The following PRMT3 variants were observed in gnomAD, a reference collection of about 807,000 sequenced individuals.
The protein encoded by PRMT3 is protein arginine methyltransferase 3.
A neutral mutation model predicts 71.9 loss-of-function variants in PRMT3; 62 were observed. That is an observed-to-expected ratio of 0.86 (90% CI 0.70 to 1.07). The LOEUF (loss-of-function observed/expected upper bound fraction) is 1.07, where lower values mean the gene tolerates loss of function less well. PRMT3 is among the 50% of genes least tolerant of loss of function. The pLI is 0.00. For synonymous variants in PRMT3, 213 were observed against 220.4 expected (o/e 0.97, Z 0.30); for missense variants, 663 against 643.0 (o/e 1.03, Z -0.34).
At chr11:20,504,391 A>G (rs548238905) in intron 15 of PRMT3, among the ~76,000 whole-genome samples, 1 of 152,212 alleles carries the variant, frequency 6.6e-6, no homozygotes, top group East Asian at 1.9e-4. Context: ...TCTTTATAAG[A>G]TTGAAAAAGA....
intron 10 of PRMT3, among the ~76,000 whole-genome samples, chr11:20,439,385 T>C (rs940212819): frequency 6.6e-6 from 1 of 152,208 alleles, no homozygotes; most frequent in Non-Finnish European, 1.5e-5. Context: ...CCTTTCATTC[T>C]CAATGTGGCC....
chr11:20,430,727 G>A (rs555281033), intron 10 of PRMT3, among the ~76,000 whole-genome samples: 1 of 152,124 alleles, frequency 6.6e-6, no homozygotes, highest in African/African-American at 2.4e-5. Flanking sequence ...TGTAATAAGA[G>A]CACCTAAAAT....
intron 13 of PRMT3, among the ~76,000 whole-genome samples, chr11:20,482,370 A>G (rs1345767417): frequency 6.6e-6 from 1 of 152,118 alleles, no homozygotes; most frequent in Non-Finnish European, 1.5e-5. Flanking sequence ...ATTTAATTCT[A>G]GATAGGTATA....
At chr11:20,450,071 G>T (rs1281479013) in intron 10 of PRMT3, among the ~76,000 whole-genome samples, 1 of 152,126 alleles carries the variant, frequency 6.6e-6, no homozygotes, top group Non-Finnish European at 1.5e-5. Flanking sequence ...TTGTGATAAG[G>T]TAACAGCTGA....
intron 10 of PRMT3, among the ~76,000 whole-genome samples, chr11:20,450,519 G>T (rs1850124419): frequency 6.6e-6 from 1 of 152,248 alleles, no homozygotes; most frequent in Admixed American, 6.5e-5. Flanking sequence ...ACATATTACT[G>T]AAGTACTCTA....
At chr11:20,411,526 T>C (rs1849192081) in intron 9 of PRMT3, among the ~76,000 whole-genome samples, 1 of 152,072 alleles carries the variant, frequency 6.6e-6, no homozygotes, top group Non-Finnish European at 1.5e-5. Flanking sequence ...GATGTAGTTA[T>C]AGGAAGGAAG....
chr11:20,402,859 TA>T, intron 7 of PRMT3, 59 bp from the exon 8 acceptor site: 1 of 1,375,152 alleles, frequency 7.3e-7, no homozygotes, highest in Admixed American at 1.8e-5. Flanking sequence ...ATATCTCCCT[TA>T]AAAAATTTAT....
At chr11:20,422,144 AT>A (rs1218556910) in intron 9 of PRMT3, among the ~76,000 whole-genome samples, 1 of 152,318 alleles carries the variant, frequency 6.6e-6, no homozygotes, top group East Asian at 1.9e-4. Context: ...CAAGCCAGTA[AT>A]CCCTTCTACT....
intron 11 of PRMT3, among the ~76,000 whole-genome samples, chr11:20,459,622 C>T (rs1054504347): frequency 2.0e-5 from 3 of 152,176 alleles, no homozygotes; most frequent in Non-Finnish European, 4.4e-5. Flanking sequence ...CCTGACTATA[C>T]CCTTATTATG....
chr11:20,452,271 G>T, intron 11 of PRMT3, 63 bp downstream of exon 11: 1 of 1,316,508 alleles, frequency 7.6e-7, no homozygotes, highest in South Asian at 1.2e-5. Flanking sequence ...ATGAACCTTT[G>T]GATTTCAAAT....
chr11:20,479,493 T>G (rs539829824), intron 13 of PRMT3, among the ~76,000 whole-genome samples: 17 of 152,204 alleles, frequency 1.1e-4, no homozygotes, highest in Non-Finnish European at 2.4e-4. Context: ...TGGTTACATG[T>G]GATAAGGGCA....
intron 10 of PRMT3, among the ~76,000 whole-genome samples, chr11:20,444,010 G>A (rs932004097): frequency 1.3e-5 from 2 of 152,170 alleles, no homozygotes; most frequent in African/African-American, 2.4e-5. Flanking sequence ...ATAAGTAGCC[G>A]TTATTACCAT....
chr11:20,480,477 T>C (rs996590521), intron 13 of PRMT3, among the ~76,000 whole-genome samples: 1 of 152,178 alleles, frequency 6.6e-6, no homozygotes, highest in African/African-American at 2.4e-5. Flanking sequence ...GGCTGGGACA[T>C]GTAGATCATA....
intron 13 of PRMT3, among the ~76,000 whole-genome samples, chr11:20,492,825 G>T (rs183099545): frequency 6.6e-6 from 1 of 152,174 alleles, no homozygotes; most frequent in Non-Finnish European, 1.5e-5. Flanking sequence ...TTGGGAAGCC[G>T]AAGTGGGTGA....
At chr11:20,396,087 TAC>T in intron 6 of PRMT3, 125 bp downstream of exon 6, 2 of 844,918 alleles carry the variant, frequency 2.4e-6, no homozygotes, top group Non-Finnish European at 3.5e-6. Context: ...TTTATCTTCA[TAC>T]TGTTAAAGAT....
chr11:20,491,738 CAAATTTT>C (rs1851212445), intron 13 of PRMT3, among the ~76,000 whole-genome samples: 1 of 152,044 alleles, frequency 6.6e-6, no homozygotes, highest in African/African-American at 2.4e-5. Context: ...AGCAGTGATT[CAAATTTT>C]AGTTCAATGC....
chr11:20,401,445 G>A lies in PRMT3; in HGVS notation c.706-1474G>A, dbSNP rs11025550. Among the ~76,000 whole-genome samples the A allele has an allele frequency of 1.9e-3, 294 of 152,126 alleles. 4 individuals are homozygous for A. The East Asian group carries it at 0.045, about 23-fold the overall frequency. On this transcript the variant is annotated intron_variant, in intron 7 of 15. Transcript: ENST00000331079. ...TAATAATTTTTTTGTAAAGCAGTGAGAAATAATCAGAAAACATGGAATTAA... is the reference window on the plus strand; with the variant it reads ...TAATAATTTTTTTGTAAAGCAGTGAAAAATAATCAGAAAACATGGAATTAA...
At chr11:20,394,260 A>G (rs1488869487) in intron 5 of PRMT3, among the ~76,000 whole-genome samples, 1 of 152,208 alleles carries the variant, frequency 6.6e-6, no homozygotes, top group Non-Finnish European at 1.5e-5. Flanking sequence ...GATTTTGTGA[A>G]ATTCACTAAC....
At chr11:20,436,744 T>G (rs1043720940) in intron 10 of PRMT3, among the ~76,000 whole-genome samples, 18 of 152,162 alleles carry the variant, frequency 1.2e-4, no homozygotes, top group East Asian at 1.9e-4. Flanking sequence ...CAGTTTGTTT[T>G]TTTTTTTAAT....
Sources: gnomAD v4.1 joint callset for allele counts (sites outside exome capture counted in the v4.1 genomes callset) on GRCh38, gnomAD v4.1.1 for gene constraint, MANE v1.5 for transcripts, NCBI Gene and HGNC (gene_info 2026-07-23, HGNC 2026-07-21) for gene names.